The following RSPH14 variants were observed in gnomAD, a reference collection of about 807,000 sequenced individuals.
RSPH14 encodes the protein rhabdoid tumor deletion region gene 1.
A neutral mutation model predicts 26.7 loss-of-function variants in RSPH14; 20 were observed. The ratio of observed to expected loss-of-function variants is 0.75; its 90% confidence interval spans 0.53 to 1.09. The LOEUF (loss-of-function observed/expected upper bound fraction) is 1.09. RSPH14 is among the 50% of genes least tolerant of loss of function. The probability of loss-of-function intolerance (pLI) is 0.00; values close to 1 mark genes in which losing one functional copy is unlikely to be tolerated. For synonymous variants in RSPH14, 177 were observed against 189.3 expected, an observed-to-expected ratio of 0.93 and a Z score of 0.53; for missense variants, 449 against 457.2, an observed-to-expected ratio of 0.98 and a Z score of 0.16.
the RSPH14 span, among the ~76,000 whole-genome samples, chr22:23,151,250 T>A: frequency 6.6e-6 from 1 of 152,198 alleles, no homozygotes; most frequent in Non-Finnish European, 1.5e-5. Context: ...TGGTGCCATA[T>A]CAGGTGCTTC....
intron 4 of RSPH14, among the ~76,000 whole-genome samples, chr22:23,113,288 C>T (rs2069711117): frequency 6.6e-6 from 1 of 152,226 alleles, no homozygotes; most frequent in African/African-American, 2.4e-5. Flanking sequence ...CCTTCTCTCC[C>T]ACAGATCTTA....
chr22:23,127,149 G>A (rs987710172), intron 4 of RSPH14, among the ~76,000 whole-genome samples: 1 of 152,218 alleles, frequency 6.6e-6, no homozygotes, highest in Non-Finnish European at 1.5e-5. Context: ...TCCAACGTCA[G>A]CCCTCCAGAA....
chr22:23,102,699 C>A (rs769592641), intron 4 of RSPH14, among the ~76,000 whole-genome samples: 2 of 152,258 alleles, frequency 1.3e-5, no homozygotes, highest in Admixed American at 1.3e-4. Context: ...GCATCAGCCA[C>A]CCCTCCATGA....
At chr22:23,120,752 C>T (rs141235160) in intron 4 of RSPH14, among the ~76,000 whole-genome samples, 4 of 152,194 alleles carry the variant, frequency 2.6e-5, no homozygotes, top group African/African-American at 9.6e-5. Context: ...CCCAAAAGGA[C>T]CCTGCCATCC....
Position 23,140,332 on chromosome 22 carries a change from T to G in RSPH14, c.89A>C (p.Lys30Thr). Residue 30 changes from lysine (K) to threonine (T), a missense_variant, in exon 2 of 7, where the codon AAG becomes ACG. Transcript: ENST00000216036. ...TTAYGHRALP[K>T]LKEELQSEDL... is the part of the protein sequence containing the mutation. ...CTCTGACTGCAGCTCCTCCTTCAGC[T>G]TGGGCAGGGCCCGATGGCCATAGGC... 1 of 1,614,206 alleles carries G rather than the reference T, an allele frequency of 6.2e-7. No homozygotes were observed. Among genetic ancestry groups the G allele is most frequent in the South Asian group, 1.1e-5 (1 of 91,082 alleles).
upstream of RSPH14, among the ~76,000 whole-genome samples, chr22:23,143,588 C>T (rs1357328037): frequency 6.6e-6 from 1 of 152,160 alleles, no homozygotes; most frequent in Non-Finnish European, 1.5e-5. Context: ...CTAGCCAGAT[C>T]CCCTTTGTCC....
chr22:23,163,309 A>C, the RSPH14 span: 1 of 153,404 alleles, frequency 6.5e-6, no homozygotes, highest in Non-Finnish European at 1.4e-5. Context: ...GGCTCACTGC[A>C]AGCTTCCCCT....
At chr22:23,079,912 T>C (rs2068628023) in intron 4 of RSPH14, among the ~76,000 whole-genome samples, 1 of 152,134 alleles carries the variant, frequency 6.6e-6, no homozygotes, top group Admixed American at 6.5e-5. Flanking sequence ...GGGATGGGAT[T>C]GTGGGATGCC....
chr22:23,172,640 A>C, the RSPH14 span, among the ~76,000 whole-genome samples: 3 of 140,478 alleles, frequency 2.1e-5, no homozygotes, highest in African/African-American at 8.1e-5. Context: ...GAGGCGGAGC[A>C]AGAATCCGTC....
At chr22:23,085,133 C>G (rs1462748670) in intron 4 of RSPH14, among the ~76,000 whole-genome samples, 1 of 152,194 alleles carries the variant, frequency 6.6e-6, no homozygotes, top group East Asian at 1.9e-4. Flanking sequence ...TCTCCCCAGG[C>G]TAAGCCCGTC....
intron 4 of RSPH14, among the ~76,000 whole-genome samples, chr22:23,130,237 T>C (rs867427414): frequency 6.7e-6 from 1 of 149,392 alleles, no homozygotes; most frequent in Non-Finnish European, 1.5e-5. Context: ...AGGCGGATCA[T>C]GAGGTCAGGA....
chr22:23,177,596 G>A, the RSPH14 span, among the ~76,000 whole-genome samples: 2 of 152,052 alleles, frequency 1.3e-5, no homozygotes, highest in Non-Finnish European at 2.9e-5. Context: ...AGGGAGGGAT[G>A]GATGATAAGA....
At chr22:23,083,879 G>A (rs982805186) in intron 4 of RSPH14, among the ~76,000 whole-genome samples, 13 of 152,228 alleles carry the variant, frequency 8.5e-5, no homozygotes, top group African/African-American at 3.1e-4. Flanking sequence ...GGATCCTGAT[G>A]CTGCAGTAGT....
At chr22:23,100,759 G>C (rs934444756) in intron 4 of RSPH14, among the ~76,000 whole-genome samples, 1 of 152,166 alleles carries the variant, frequency 6.6e-6, no homozygotes, top group East Asian at 1.9e-4. Context: ...GGAAGAGCTG[G>C]AGCTCCAGAG....
intron 3 of RSPH14, 68 bp downstream of exon 3, chr22:23,138,772 A>G: frequency 7.6e-7 from 1 of 1,322,476 alleles, no homozygotes; most frequent in Non-Finnish European, 1.1e-6. Flanking sequence ...TAAGCAGCTC[A>G]AGTGCATCCA....
upstream of RSPH14, chr22:23,146,532 G>T: frequency 6.4e-7 from 1 of 1,563,634 alleles, no homozygotes. Context: ...GAAAAGTTAG[G>T]TGGAAACTCA....
intron 4 of RSPH14, among the ~76,000 whole-genome samples, chr22:23,104,305 G>A (rs941483865): frequency 8.5e-5 from 13 of 152,184 alleles, no homozygotes; most frequent in Non-Finnish European, 1.5e-4. Context: ...CTGCCTGAGC[G>A]CCCTGTGATG....
chr22:23,109,576 C>T (rs2069584945), intron 4 of RSPH14, among the ~76,000 whole-genome samples: 1 of 152,116 alleles, frequency 6.6e-6, no homozygotes, highest in Admixed American at 6.5e-5. Flanking sequence ...GAGGATGAAC[C>T]AGTGTGGAGT....
the RSPH14 span, chr22:23,152,577 C>T: frequency 3.5e-4 from 550 of 1,559,712 alleles, 3 homozygotes; most frequent in African/African-American, 6.7e-3. Context: ...ACCAGGTTGT[C>T]ATACCTTTGC....
Sources: gnomAD v4.1 joint callset for allele counts (sites outside exome capture counted in the v4.1 genomes callset) on GRCh38, gnomAD v4.1.1 for gene constraint, MANE v1.5 for transcripts, NCBI Gene and HGNC (gene_info 2026-07-23, HGNC 2026-07-21) for gene names.